SRPK2: variants seen among roughly 807,000 people sequenced by gnomAD.
The protein encoded by SRPK2 is SFRS protein kinase 2.
In SRPK2, 21 loss-of-function variants were observed where a neutral mutation model predicts 90.8. The ratio of observed to expected loss-of-function variants is 0.23; its 90% CI spans 0.16 to 0.33. The LOEUF (loss-of-function observed/expected upper bound fraction) is 0.33, where lower values mean the gene tolerates loss of function less well. SRPK2 is among the 10% of genes least tolerant of loss of function. The pLI is 1.00. For missense variants in SRPK2, 620 were observed against 869.0 expected (o/e 0.71, Z 3.60); for synonymous variants, 288 against 311.1 (o/e 0.93, Z 0.78).
intron 2 of SRPK2, among the ~76,000 whole-genome samples, chr7:105,271,751 A>G (rs1184058950): frequency 6.6e-6 from 1 of 152,168 alleles, no homozygotes; most frequent in African/African-American, 2.4e-5. Flanking sequence ...TGCTCAGGAC[A>G]CTTTCTTACA....
At chr7:105,224,139 CAT>C (rs1455942671) in intron 2 of SRPK2, among the ~76,000 whole-genome samples, 1 of 152,082 alleles carries the variant, frequency 6.6e-6, no homozygotes, top group Non-Finnish European at 1.5e-5. Flanking sequence ...ACATCTGTAC[CAT>C]ATTAAGCAGC....
intron 3 of SRPK2, among the ~76,000 whole-genome samples, chr7:105,192,215 C>T (rs938791988): frequency 2.6e-5 from 4 of 152,170 alleles, no homozygotes; most frequent in Admixed American, 2.6e-4. Flanking sequence ...CCTTTCCTAC[C>T]CTTTCCCCCT....
At chr7:105,229,357 A>G (rs1480447763) in intron 2 of SRPK2, among the ~76,000 whole-genome samples, 5 of 151,994 alleles carry the variant, frequency 3.3e-5, no homozygotes, top group Non-Finnish European at 7.4e-5. Flanking sequence ...CCAGCTACTC[A>G]GGAGGCTGAG....
At chr7:105,121,376 G>GT (rs1800348299) in intron 15 of SRPK2, among the ~76,000 whole-genome samples, 4 of 45,000 alleles carry the variant, frequency 8.9e-5, no homozygotes, top group Non-Finnish European at 1.9e-4. Flanking sequence ...ATATGAAGAC[G>GT]TAAAAAAAAA....
chr7:105,319,507 G>A (rs1276977220), intron 2 of SRPK2, among the ~76,000 whole-genome samples: 2 of 112,634 alleles, frequency 1.8e-5, no homozygotes, highest in African/African-American at 7.2e-5. Flanking sequence ...CTTGCGGCGG[G>A]GGGGGGGGGG....
At chr7:105,115,712 A>C (rs1370220494), downstream of SRPK2, among the ~76,000 whole-genome samples, 1 of 152,198 alleles carries the variant, frequency 6.6e-6, no homozygotes. Flanking sequence ...AGGCTGTTTT[A>C]TCATAAGGGA....
chr7:105,312,193 G>A (rs1292232230), intron 2 of SRPK2, among the ~76,000 whole-genome samples: 2 of 152,178 alleles, frequency 1.3e-5, no homozygotes, highest in Admixed American at 6.5e-5. Flanking sequence ...TGTAATCCCA[G>A]AACTTTGGGA....
intron 2 of SRPK2, among the ~76,000 whole-genome samples, chr7:105,257,866 C>A (rs1330511863): frequency 6.6e-6 from 1 of 152,158 alleles, no homozygotes; most frequent in African/African-American, 2.4e-5. Flanking sequence ...AAACCCAGCA[C>A]ATTGGGAGTC....
intron 5 of SRPK2, 76 bp downstream of exon 5, chr7:105,167,932 T>C: frequency 1.6e-6 from 2 of 1,249,554 alleles, no homozygotes; most frequent in South Asian, 1.4e-5. Flanking sequence ...TAATTTAGTA[T>C]TACCCAGAAA....
At position 105,248,100 on chromosome 7, in the gene SRPK2, G is replaced by A. The variant is rs925274886; in HGVS notation, c.72-44315C>T. Reference sequence around the variant, plus strand: ...ACTACCAACCTCAGGTGATCTGCCCGCCTCGGCCTCCCAAACTGCTGGGAT... The same window carrying A: ...ACTACCAACCTCAGGTGATCTGCCCACCTCGGCCTCCCAAACTGCTGGGAT... On this transcript the variant is annotated intron_variant, in intron 2 of 15. Coordinates refer to ENST00000393651, the MANE Select transcript of SRPK2 (RefSeq NM_182692.3). Among the ~76,000 whole-genome samples, 7 of 152,192 alleles carry A rather than the reference G, an allele frequency of 4.6e-5. No homozygotes were observed. In the South Asian group the frequency reaches 6.2e-4, roughly 14 times the overall value.
intron 3 of SRPK2, among the ~76,000 whole-genome samples, chr7:105,176,536 G>C (rs1158894802): frequency 2.6e-5 from 4 of 151,322 alleles, no homozygotes; most frequent in Non-Finnish European, 2.9e-5. Context: ...AAGCCACAGA[G>C]ATGTATGTGG....
At chr7:105,181,400 A>G (rs1792783115) in intron 3 of SRPK2, among the ~76,000 whole-genome samples, 1 of 152,228 alleles carries the variant, frequency 6.6e-6, no homozygotes, top group African/African-American at 2.4e-5. Context: ...GTTCTACTGT[A>G]AAGACACACG....
intron 2 of SRPK2, among the ~76,000 whole-genome samples, chr7:105,361,974 A>C (rs1294964593): frequency 6.6e-6 from 1 of 152,210 alleles, no homozygotes; most frequent in Non-Finnish European, 1.5e-5. Context: ...AAATTGAAAA[A>C]CAGGATCTAA....
chr7:105,348,349 G>C (rs1816721991), intron 2 of SRPK2, among the ~76,000 whole-genome samples: 1 of 151,676 alleles, frequency 6.6e-6, no homozygotes, highest in Non-Finnish European at 1.5e-5. Context: ...GGGATTACAG[G>C]TGTGAGTCAC....
At chr7:105,177,954 G>T (rs530080820) in intron 3 of SRPK2, among the ~76,000 whole-genome samples, 1 of 151,342 alleles carries the variant, frequency 6.6e-6, no homozygotes, top group Non-Finnish European at 1.5e-5. Context: ...GCGTGAACCC[G>T]GAAGGTGGAG....
intron 2 of SRPK2, among the ~76,000 whole-genome samples, chr7:105,331,332 A>AAAC (rs1814358875): frequency 6.9e-6 from 1 of 144,912 alleles, no homozygotes; most frequent in African/African-American, 2.6e-5. Flanking sequence ...AAAAAAAAAA[A>AAAC]AAAAACAAAT....
At chr7:105,344,505 C>G (rs2131942896) in intron 2 of SRPK2, among the ~76,000 whole-genome samples, 2 of 147,822 alleles carry the variant, frequency 1.4e-5, no homozygotes, top group South Asian at 4.4e-4. Flanking sequence ...CCTCTTGCCT[C>G]AGTCTCCCAA....
intron 2 of SRPK2, among the ~76,000 whole-genome samples, chr7:105,342,050 G>A (rs1212473063): frequency 6.6e-6 from 1 of 152,062 alleles, no homozygotes; most frequent in Non-Finnish European, 1.5e-5. Flanking sequence ...GATCAGCTGA[G>A]GTCGGGAGAT....
In SRPK2 at chr7:105,293,246, G is replaced by A. The variant is rs187819817; in HGVS notation, c.72-89461C>T. On this transcript the variant is annotated intron_variant, in intron 2 of 15. Transcript: ENST00000393651. ...CAGGGAGGTGGAGGTTGTAGTGATC[G>A]CACCACTGCATGAGTGAAACTCCAT... 2.8e-3 allele frequency among the ~76,000 whole-genome samples: 421 copies of A among 151,216 alleles called. 1 individual carries two copies. Among genetic ancestry groups the A allele is most frequent in the African/African-American group, 9.7e-3 (399 of 41,192 alleles).
Sources: allele counts gnomAD v4.1 joint callset (sites outside exome capture counted in the v4.1 genomes callset), GRCh38; gene constraint gnomAD v4.1.1; transcripts MANE v1.5; gene names NCBI Gene and HGNC (gene_info 2026-07-23, HGNC 2026-07-21).